Variants in SLC25A13 observed in about 807,000 individuals in gnomAD.
SLC25A13 encodes the protein electrogenic aspartate/glutamate antiporter SLC25A13, mitochondrial.
In SLC25A13, 70 loss-of-function variants were observed where a neutral mutation model predicts 85.5. That is an observed-to-expected ratio of 0.82 (90% CI 0.68 to 1.00). SLC25A13 has a LOEUF of 1.00. SLC25A13 is among the 50% of genes least tolerant of loss of function. The pLI is 0.00. For synonymous variants in SLC25A13, 259 were observed against 288.7 expected, an observed-to-expected ratio of 0.90 and a Z score of 1.04; for missense variants, 765 against 819.8, an observed-to-expected ratio of 0.93 and a Z score of 0.82.
At chr7:96,258,323 C>T (rs879078669) in intron 3 of SLC25A13, among the ~76,000 whole-genome samples, 4 of 152,126 alleles carry the variant, frequency 2.6e-5, no homozygotes, top group Non-Finnish European at 4.4e-5. Flanking sequence ...AAAACCCCAT[C>T]GTCTCAGCCC....
chr7:96,241,914 G>GT (rs1797013052), intron 3 of SLC25A13, among the ~76,000 whole-genome samples: 1 of 152,262 alleles, frequency 6.6e-6, no homozygotes, highest in East Asian at 1.9e-4. Context: ...ACTCAGCAGA[G>GT]GCTTAGACCC....
chr7:96,321,681 C>A (rs948692016), intron 1 of SLC25A13, among the ~76,000 whole-genome samples: 4 of 152,180 alleles, frequency 2.6e-5, no homozygotes, highest in Non-Finnish European at 5.9e-5. Flanking sequence ...CGTCAGGCAC[C>A]AACTTCCCTC....
chr7:96,158,324 A>T (rs529792527), intron 13 of SLC25A13, among the ~76,000 whole-genome samples: 2 of 152,358 alleles, frequency 1.3e-5, no homozygotes, highest in East Asian at 1.9e-4. Context: ...ATAGTCTTGC[A>T]TTAAAACAAA....
intron 3 of SLC25A13, among the ~76,000 whole-genome samples, chr7:96,244,904 T>C (rs1797127421): frequency 1.3e-5 from 2 of 152,172 alleles, no homozygotes; most frequent in South Asian, 4.1e-4. Context: ...TATCACAAAT[T>C]TGGCCTATAA....
At chr7:96,157,199 G>A (rs974108546) in intron 13 of SLC25A13, among the ~76,000 whole-genome samples, 2 of 152,158 alleles carry the variant, frequency 1.3e-5, no homozygotes, top group African/African-American at 2.4e-5. Context: ...CTACTGATAC[G>A]AAGCATCATT....
Position 96,322,006 on chromosome 7 carries a change from G to T in SLC25A13, c.-50C>A. 6.5e-7 allele frequency: 1 copy of T among 1,532,652 alleles called. No individual in the cohort carries two copies. Among genetic ancestry groups the T allele is most frequent in the East Asian group, 2.6e-5 (1 of 38,786 alleles). The allele number at this position is 1,532,652 out of a possible 1,614,324, so 94.9% of individuals were successfully genotyped here. A position where few individuals can be genotyped will look rare whatever the true frequency, so the allele number is the denominator to read the frequency against. On this transcript the variant is annotated 5_prime_UTR_variant, in exon 1 of 18. Coordinates refer to ENST00000265631, the MANE Select transcript of SLC25A13 (RefSeq NM_014251.3). ...GCGGGACCCACTGACTGGCTGGCTGGCGTTTGGGACCCGGGCGGCTCACTT... is the reference window on the plus strand; with the variant it reads ...GCGGGACCCACTGACTGGCTGGCTGTCGTTTGGGACCCGGGCGGCTCACTT...
At chr7:96,225,808 T>C (rs999069028) in intron 4 of SLC25A13, among the ~76,000 whole-genome samples, 1 of 152,202 alleles carries the variant, frequency 6.6e-6, no homozygotes, top group African/African-American at 2.4e-5. Context: ...CTGCTTTACA[T>C]ACAAACAGGA....
intron 4 of SLC25A13, among the ~76,000 whole-genome samples, chr7:96,224,529 T>C (rs1796259949): frequency 6.6e-6 from 1 of 152,156 alleles, no homozygotes; most frequent in Non-Finnish European, 1.5e-5. Context: ...CCTATCGTCC[T>C]GTGATTCTCC....
intron 3 of SLC25A13, among the ~76,000 whole-genome samples, chr7:96,276,495 C>T (rs1269031926): frequency 6.6e-6 from 1 of 152,044 alleles, no homozygotes; most frequent in Non-Finnish European, 1.5e-5. Flanking sequence ...TGGTGGCGCA[C>T]GGCTTTGATA....
intron 2 of SLC25A13, among the ~76,000 whole-genome samples, chr7:96,289,707 G>T (rs138798657): frequency 0.011 from 1,725 of 152,182 alleles, 31 homozygotes; most frequent in African/African-American, 0.04. Flanking sequence ...GAAGTTTAGA[G>T]AAAAAAGAGT....
At chr7:96,167,393 A>G (rs1475962468) in intron 13 of SLC25A13, among the ~76,000 whole-genome samples, 1 of 152,212 alleles carries the variant, frequency 6.6e-6, no homozygotes, top group Non-Finnish European at 1.5e-5. Context: ...TTCATTCTAA[A>G]AAAATATATA....
chr7:96,229,964 G>C (rs764317642), intron 4 of SLC25A13, among the ~76,000 whole-genome samples: 1 of 152,150 alleles, frequency 6.6e-6, no homozygotes, highest in Non-Finnish European at 1.5e-5. Flanking sequence ...CTCTACTGAA[G>C]CTAAATATAC....
intron 15 of SLC25A13, among the ~76,000 whole-genome samples, chr7:96,128,757 TAATAATA>T (rs1791845302): frequency 1.2e-5 from 1 of 82,990 alleles, no homozygotes; most frequent in Non-Finnish European, 2.3e-5. Flanking sequence ...TAAAGTATAA[TAATAATA>T]ATAATAATAA....
chr7:96,130,002 A>G (rs933746252), intron 15 of SLC25A13, among the ~76,000 whole-genome samples: 2 of 152,250 alleles, frequency 1.3e-5, no homozygotes, highest in African/African-American at 4.8e-5. Context: ...GAAATAATGA[A>G]TAATATTTTT....
intron 1 of SLC25A13, among the ~76,000 whole-genome samples, chr7:96,303,061 C>A (rs565494348): frequency 1.3e-5 from 2 of 152,282 alleles, no homozygotes; most frequent in East Asian, 3.9e-4. Context: ...ATGAAAATTT[C>A]TAGAATGGAT....
chr7:96,297,373 G>C (rs1799387041), intron 1 of SLC25A13, among the ~76,000 whole-genome samples: 1 of 150,650 alleles, frequency 6.6e-6, no homozygotes, highest in African/African-American at 2.4e-5. Flanking sequence ...TCTCTCTGTT[G>C]CCCAGGCTGG....
rs1311531803 is a variant in SLC25A13, at chr7:96,201,887, T to C, written c.468+6951A>G. ...CTATGACAAATAGAGTCGCAAACCG[T>C]AACTGATGGTGAGAAAAAGCCAGGA... On this transcript the variant is annotated intron_variant, in intron 5 of 17. Coordinates refer to ENST00000265631, the MANE Select transcript of SLC25A13 (RefSeq NM_014251.3). Among the ~76,000 whole-genome samples the C allele has an allele frequency of 2.0e-5, 3 of 152,080 alleles. No individual in the cohort carries two copies. In the East Asian group the frequency reaches 5.8e-4, roughly 29 times the overall value.
At chr7:96,214,635 G>A (rs1477247736) in intron 4 of SLC25A13, among the ~76,000 whole-genome samples, 2 of 152,150 alleles carry the variant, frequency 1.3e-5, no homozygotes, top group African/African-American at 2.4e-5. Context: ...GCTGAGGCAG[G>A]AGAATGGCGT....
intron 11 of SLC25A13, among the ~76,000 whole-genome samples, chr7:96,181,162 T>C (rs905641947): frequency 6.6e-6 from 1 of 152,210 alleles, no homozygotes; most frequent in East Asian, 1.9e-4. Flanking sequence ...GCCAGACTCA[T>C]GGGATTTTTA....
Sources: gnomAD v4.1 joint callset for allele counts (sites outside exome capture counted in the v4.1 genomes callset) on GRCh38, gnomAD v4.1.1 for gene constraint, MANE v1.5 for transcripts, NCBI Gene and HGNC (gene_info 2026-07-23, HGNC 2026-07-21) for gene names.